NABP1: variants seen among roughly 807,000 people sequenced by gnomAD.
NABP1 encodes the protein nucleic acid binding protein 1, also known as SOSS complex subunit B2.
A neutral mutation model predicts 25.0 loss-of-function variants in NABP1; 18 were observed. The ratio of observed to expected loss-of-function variants is 0.72; its 90% CI spans 0.50 to 1.07. The LOEUF (loss-of-function observed/expected upper bound fraction) is 1.07, where lower values mean the gene tolerates loss of function less well. NABP1 is among the 50% of genes least tolerant of loss of function. The probability of loss-of-function intolerance (pLI) is 0.00; values close to 1 mark genes in which losing one functional copy is unlikely to be tolerated. For synonymous variants in NABP1, 71 were observed against 85.0 expected, an observed-to-expected ratio of 0.84 and a Z score of 0.91; for missense variants, 270 against 255.6, an observed-to-expected ratio of 1.06 and a Z score of -0.39.
chr2:191,684,155 A>T, intron 4 of NABP1, 75 bp from the exon 5 acceptor site: 1 of 941,220 alleles, frequency 1.1e-6, no homozygotes, highest in Non-Finnish European at 1.6e-6. Flanking sequence ...TTTAAAAAAG[A>T]AAGGATATAA....
intron 4 of NABP1, 111 bp from the exon 5 acceptor site, chr2:191,684,119 A>G: frequency 1.5e-6 from 1 of 673,500 alleles, no homozygotes; most frequent in Non-Finnish European, 2.3e-6. Context: ...GTTAATTAAA[A>G]AAAAAAAAAA....
intron 5 of NABP1, 30 bp downstream of exon 5, chr2:191,684,326 G>T: frequency 6.9e-7 from 1 of 1,450,674 alleles, no homozygotes; most frequent in South Asian, 1.4e-5. Flanking sequence ...TTTCATTTGT[G>T]ATCAGGTATA....
intron 2 of NABP1, among the ~76,000 whole-genome samples, chr2:191,680,447 C>G (rs755982277): frequency 1.3e-5 from 2 of 152,174 alleles, no homozygotes; most frequent in Non-Finnish European, 2.9e-5. Context: ...TACACTGACT[C>G]ATGACAGTAA....
intron 3 of NABP1, 48 bp downstream of exon 3, chr2:191,682,065 ATC>A: frequency 8.7e-7 from 1 of 1,146,674 alleles, no homozygotes; most frequent in Non-Finnish European, 1.2e-6. Flanking sequence ...TATAAATAAT[ATC>A]TACGGAATGA....
intron 1 of NABP1, 96 bp downstream of exon 1, chr2:191,678,801 C>T (rs1687580587): frequency 8.5e-7 from 1 of 1,180,256 alleles, no homozygotes. Context: ...TCCCCTCCTC[C>T]TCCCTCCCCT....
At position 191,679,102 on chromosome 2, in the gene NABP1, A is replaced by G. The variant is rs1687594393; in HGVS notation, c.204A>G (p.Pro68=). Residue 68 remains proline, a synonymous_variant, in exon 2 of 6, where the codon CCA becomes CCG. Transcript: ENST00000425611. ...VWDEIGGLIQ[P]GDIIRLTRGY... is the part of the protein sequence containing the mutation. ...ATGAGATCGGAGGTCTTATACAGCC[A>G]GGGGATATTATTCGGTTGACCAGAG... 1.2e-6 allele frequency: 2 copies of G among 1,614,164 alleles called. No individual in the cohort carries two copies.
Position 191,678,489 on chromosome 2 carries a change from C to T in NABP1, c.-126C>T, listed in dbSNP as rs1574753619. 2 of 550,462 alleles carry T rather than the reference C, an allele frequency of 3.6e-6. No homozygotes were observed. Among genetic ancestry groups the T allele is most frequent in the Non-Finnish European group, 6.3e-6 (2 of 314,984 alleles). The allele number at this position is 550,462 out of a possible 1,614,324, so 34.1% of individuals were successfully genotyped here. Reference sequence around the variant, plus strand: ...CCGGTCCCTGACTAACGGCTTTCTGCCCCTTCTCTCGCCACCCCTGCCCAA... The same window carrying T: ...CCGGTCCCTGACTAACGGCTTTCTGTCCCTTCTCTCGCCACCCCTGCCCAA... On this transcript the variant is annotated 5_prime_UTR_variant, in exon 1 of 6. Transcript: ENST00000425611.
At position 191,679,062 on chromosome 2, in the gene NABP1, C is replaced by G. The variant is rs761002852; in HGVS notation, c.164C>G (p.Thr55Ser). Reference sequence around the variant, plus strand: ...GTAGCAGATAAAACGGGCAGCATCACTATTTCCGTGTGGGATGAGATCGGA... The same window carrying G: ...GTAGCAGATAAAACGGGCAGCATCAGTATTTCCGTGTGGGATGAGATCGGA... ...CKVADKTGSITISVWDEIGGL... is the reference protein window; with the variant it reads ...CKVADKTGSISISVWDEIGGL... Residue 55 changes from threonine (T) to serine (S), a missense_variant, in exon 2 of 6, where the codon ACT becomes AGT. By Grantham distance (58) the Thr-to-Ser change is moderately conservative (BLOSUM62 1). Coordinates refer to ENST00000425611, the MANE Select transcript of NABP1 (RefSeq NM_001031716.5). 2 of 1,614,210 alleles carry G rather than the reference C, an allele frequency of 1.2e-6. No homozygotes were observed. The highest frequency in any genetic ancestry group is 4.5e-5 in the East Asian group (2 of 44,888).
rs756223196 is a variant in NABP1 at position 191,684,231 on chromosome 2, C to T, written c.380C>T (p.Ala127Val). ...GTTAAATTAAAAACTTTTTTTTAGG[C>T]ACAGAGTGAACAGAAGAATAATTCC... is the stretch of plus-strand genomic sequence containing the variant. ...PDYRGQQNKGAQSEQKNNSMN... is the reference protein window; with the variant it reads ...PDYRGQQNKGVQSEQKNNSMN... The change falls in exon 5 of 6, where the codon GCA (alanine) becomes GTA (valine). Residue 127 changes from alanine to valine, a missense_variant and splice_region_variant. Physicochemically the swap from Ala to Val is moderately conservative, Grantham distance 64. Transcript: ENST00000425611. The T allele has an allele frequency of 1.3e-6, 2 of 1,542,262 alleles. No homozygotes were observed. Among genetic ancestry groups the T allele is most frequent in the Admixed American group, 2.3e-5 (1 of 44,282 alleles).
At position 191,685,649 on chromosome 2, in the gene NABP1, G is replaced by A. The variant is rs1458394859; in HGVS notation, c.496G>A (p.Ala166Thr). 6.2e-7 allele frequency: 1 copy of A among 1,613,936 alleles called. No individual in the cohort carries two copies. Among genetic ancestry groups the A allele is most frequent in the Non-Finnish European group, 8.5e-7 (1 of 1,179,926 alleles). ...PESREHQFSH[A>T]GRSNGRGLIN... Reference sequence around the variant, plus strand: ...ATCAAGGGAACACCAGTTTTCACATGCTGGCAGAAGCAATGGCCGGGGACT... The same window carrying A: ...ATCAAGGGAACACCAGTTTTCACATACTGGCAGAAGCAATGGCCGGGGACT... Residue 166 changes from alanine (A) to threonine (T), a missense_variant, in exon 6 of 6, where the codon GCT (alanine) becomes ACT (threonine). By Grantham distance (58) the Ala-to-Thr change is moderately conservative. Transcript: ENST00000425611.
At position 191,678,604 on chromosome 2, in the gene NABP1, C is replaced by G. The variant is rs1319307277; in HGVS notation, c.-11C>G. ...TCGCGTCTCCGCAGCCGTAGCCGCGCCTGTCCCAATATGAATAGGGTCAAC... is the reference window on the plus strand; with the variant it reads ...TCGCGTCTCCGCAGCCGTAGCCGCGGCTGTCCCAATATGAATAGGGTCAAC... On this transcript the variant is annotated 5_prime_UTR_variant, in exon 1 of 6. Coordinates refer to ENST00000425611, the MANE Select transcript of NABP1 (RefSeq NM_001031716.5). 1 of 1,603,636 alleles carries G rather than the reference C, an allele frequency of 6.2e-7. No individual in the cohort carries two copies. The highest frequency in any genetic ancestry group is 1.1e-5 in the South Asian group (1 of 90,520).
At position 191,678,667 on chromosome 2, in the gene NABP1, T is replaced by C. The variant is rs764189825; in HGVS notation, c.53T>C (p.Leu18Pro). The change falls in exon 1 of 6, where the codon CTG becomes CCG. Residue 18 changes from leucine (L) to proline (P), a missense_variant. Physicochemically the swap from Leu to Pro is moderately conservative, Grantham distance 98. Transcript: ENST00000425611. ...TTTATAAGAGATATTAAGCCCGGACTGAAAAACTTAAATGTCGTCTTTATT... is the reference window on the plus strand; with the variant it reads ...TTTATAAGAGATATTAAGCCCGGACCGAAAAACTTAAATGTCGTCTTTATT... ...LIFIRDIKPG[L>P]KNLNVVFIVL... The C allele has an allele frequency of 1.9e-6, 3 of 1,613,868 alleles. No individual in the cohort carries two copies. The highest frequency in any genetic ancestry group is 1.7e-6 in the Non-Finnish European group (2 of 1,179,910).
chr2:191,678,953 CT>C, intron 1 of NABP1, 36 bp from the exon 2 acceptor site: 1 of 1,614,090 alleles, frequency 6.2e-7, no homozygotes, highest in Non-Finnish European at 8.5e-7. Flanking sequence ...TCCTCATTAT[CT>C]AACAACCCCT....
In NABP1 at chr2:191,683,921, AT is replaced by A; in HGVS notation, c.378+122del. On this transcript the variant is annotated intron_variant, in intron 4 of 5. Transcript: ENST00000425611. The surrounding 1 kb of genome is among the most constrained non-coding windows in gnomAD (Gnocchi z 4.1). Reference sequence around the variant, plus strand: ...AAGATAATTTTTAAAAGGATACTTAATTTTTATTGTATGTTTTGTGAGGATA... The same window carrying A: ...AAGATAATTTTTAAAAGGATACTTAATTTTATTGTATGTTTTGTGAGGATA... 1.2e-6 allele frequency: 1 copy of A among 825,200 alleles called. No individual in the cohort carries two copies. The highest frequency in any genetic ancestry group is 1.9e-6 in the Non-Finnish European group (1 of 523,794). 51.1% of individuals were successfully genotyped at this position (825,200 alleles called of 1,614,324 possible).
In NABP1 at chr2:191,685,776, T is replaced by G. The variant is rs370226702; in HGVS notation, c.*8T>G. ...AGAGCCTTTAAAAGATGACCTATGCTAAATACTCATGTGTAGTTTTTATAC... is the reference window on the plus strand; with the variant it reads ...AGAGCCTTTAAAAGATGACCTATGCGAAATACTCATGTGTAGTTTTTATAC... On this transcript the variant is annotated 3_prime_UTR_variant, in exon 6 of 6. Transcript: ENST00000425611. 2.5e-6 allele frequency: 4 copies of G among 1,613,392 alleles called. No individual in the cohort carries two copies. In the African/African-American group the frequency reaches 5.3e-5, roughly 22 times the overall value.
intron 2 of NABP1, among the ~76,000 whole-genome samples, chr2:191,681,578 A>AT (rs1687687567): frequency 1.3e-5 from 2 of 152,174 alleles, no homozygotes; most frequent in Admixed American, 1.3e-4. Context: ...CATTAGGATG[A>AT]TTTTACATAT....
rs562952961 is a variant in NABP1, at chr2:191,684,346, A to T, written c.445+50A>T. The stretch of plus-strand genomic sequence containing the variant: ...TTTGTGATCAGGTATAAGAATGAAG[A>T]GAGCTGTAAAGATTCACGTGAAAAG... On this transcript the variant is annotated intron_variant, in intron 5 of 5. Coordinates refer to ENST00000425611, the MANE Select transcript of NABP1 (RefSeq NM_001031716.5). 4.1e-5 allele frequency: 53 copies of T among 1,290,778 alleles called. 1 individual carries two copies. In the South Asian group the frequency reaches 8.7e-4, roughly 21 times the overall value. The allele number at this position is 1,290,778 out of a possible 1,614,324, so 80.0% of individuals were successfully genotyped here.
At position 191,686,831 on chromosome 2, in the gene NABP1, A is replaced by G. The variant is rs1001953587; in HGVS notation, c.*1063A>G. The G allele has an allele frequency of 2.0e-5, 3 of 152,674 alleles. No homozygotes were observed. The highest frequency in any genetic ancestry group is 4.4e-5 in the Non-Finnish European group (3 of 68,038). The allele number at this position is 152,674 out of a possible 1,614,324, so 9.5% of individuals were successfully genotyped here. ...AAATATAAAAGTGGAATTTATGTAC[A>G]TGTCATAAGTGGTACCCACTTCCCC... On this transcript the variant is annotated 3_prime_UTR_variant, in exon 6 of 6. Transcript: ENST00000425611.
chr2:191,684,115 T>TAA (rs372983331), intron 4 of NABP1, 115 bp from the exon 5 acceptor site: 167 of 485,106 alleles, frequency 3.4e-4, no homozygotes, highest in South Asian at 6.6e-4. Flanking sequence ...ATTTGTTAAT[T>TAA]AAAAAAAAAA....
Sources: allele counts gnomAD v4.1 joint callset (sites outside exome capture counted in the v4.1 genomes callset), GRCh38; gene constraint gnomAD v4.1.1; non-coding constraint Gnocchi (gnomAD v3.1); transcripts MANE v1.5; gene names NCBI Gene and HGNC (gene_info 2026-07-23, HGNC 2026-07-21).